Variants in GRM8 observed in about 807,000 individuals in gnomAD.
The protein encoded by GRM8 is glutamate metabotropic receptor 8.
Under a neutral mutation model 87.2 loss-of-function variants are expected in GRM8, and 47 were observed. The ratio of observed to expected loss-of-function variants is 0.54; its 90% confidence interval spans 0.43 to 0.69. GRM8 has a LOEUF of 0.69. GRM8 is among the 30% of genes least tolerant of loss of function. GRM8 has a pLI of 0.00. For missense variants in GRM8, 1,019 were observed against 1,139.2 expected, an observed-to-expected ratio of 0.89 and a Z score of 1.52; for synonymous variants, 396 against 404.5, an observed-to-expected ratio of 0.98 and a Z score of 0.25.
At chr7:126,955,690 A>G (rs1808603469) in intron 3 of GRM8, among the ~76,000 whole-genome samples, 1 of 152,186 alleles carries the variant, frequency 6.6e-6, no homozygotes, top group Non-Finnish European at 1.5e-5. Flanking sequence ...TCCTGTTAAC[A>G]AATCCCAATG....
chr7:126,640,185 C>G (rs1802232080), intron 7 of GRM8, among the ~76,000 whole-genome samples: 1 of 152,178 alleles, frequency 6.6e-6, no homozygotes, highest in Admixed American at 6.6e-5. Flanking sequence ...AATTTTATAA[C>G]ATATCAATAT....
chr7:126,867,150 A>G (rs1000084207), intron 6 of GRM8, among the ~76,000 whole-genome samples: 5 of 152,136 alleles, frequency 3.3e-5, no homozygotes, highest in African/African-American at 4.8e-5. Flanking sequence ...GTGTTTTCCT[A>G]TGGTTAACAG....
chr7:126,676,175 C>A (rs2151319097), intron 7 of GRM8, among the ~76,000 whole-genome samples: 1 of 152,180 alleles, frequency 6.6e-6, no homozygotes, highest in South Asian at 2.1e-4. Flanking sequence ...TATACTTAAC[C>A]AAGGGGGTGA....
intron 3 of GRM8, among the ~76,000 whole-genome samples, chr7:127,012,453 A>G (rs758562131): frequency 2.6e-5 from 4 of 152,128 alleles, no homozygotes; most frequent in Non-Finnish European, 5.9e-5. Flanking sequence ...CCTTTCCATA[A>G]AAGTATAAAT....
chr7:127,138,636 T>C (rs973215438), intron 2 of GRM8, among the ~76,000 whole-genome samples: 2 of 152,178 alleles, frequency 1.3e-5, no homozygotes, highest in African/African-American at 4.8e-5. Flanking sequence ...AAAGCATTTG[T>C]CTCCTGGAAT....
chr7:126,517,692 A>G (rs895141987), intron 9 of GRM8, among the ~76,000 whole-genome samples: 1 of 152,086 alleles, frequency 6.6e-6, no homozygotes, highest in African/African-American at 2.4e-5. Context: ...AATAATCAAA[A>G]CTTATTTCAA....
At chr7:126,871,229 G>A (rs566116699) in intron 6 of GRM8, among the ~76,000 whole-genome samples, 3 of 152,034 alleles carry the variant, frequency 2.0e-5, no homozygotes, top group African/African-American at 7.2e-5. Context: ...GAATAGAATC[G>A]TTCTCTATAA....
chr7:126,793,791 CTAAGT>C (rs1447520064), intron 6 of GRM8, among the ~76,000 whole-genome samples: 1 of 152,116 alleles, frequency 6.6e-6, no homozygotes, highest in Admixed American at 6.6e-5. Context: ...AAAATATATC[CTAAGT>C]TATTTCCATA....
At position 126,829,086 on chromosome 7, in the gene GRM8, T is replaced by C. The variant is rs929065734; in HGVS notation, c.1157-59021A>G. 2.6e-4 allele frequency among the ~76,000 whole-genome samples: 39 copies of C among 152,044 alleles called. 1 individual carries two copies. On this transcript the variant is annotated intron_variant, in intron 6 of 10. Transcript: ENST00000339582. ...GAGAGATAGTTTGTTATAATTTCTG[T>C]TCTTTTACATTTGCTGAGGAGAGCT... is the stretch of plus-strand genomic sequence containing the variant.
intron 7 of GRM8, among the ~76,000 whole-genome samples, chr7:126,653,949 C>G (rs994182584): frequency 6.6e-6 from 1 of 152,124 alleles, no homozygotes; most frequent in Non-Finnish European, 1.5e-5. Context: ...TCTTATAACA[C>G]AAACTATAAA....
intron 8 of GRM8, among the ~76,000 whole-genome samples, chr7:126,544,338 C>CAGT (rs1174625949): frequency 6.6e-6 from 1 of 152,056 alleles, no homozygotes; most frequent in East Asian, 1.9e-4. Context: ...TGGCTTTAGG[C>CAGT]AGTAGGCAGA....
At chr7:126,535,608 A>G (rs1299314780) in intron 8 of GRM8, among the ~76,000 whole-genome samples, 1 of 152,184 alleles carries the variant, frequency 6.6e-6, no homozygotes, top group African/African-American at 2.4e-5. Flanking sequence ...AGAAATTTCT[A>G]GGAAAAAGGT....
At position 127,106,727 on chromosome 7, in the gene GRM8, A is replaced by T. The variant is rs765885545; in HGVS notation, c.511-15T>A. On this transcript the variant is annotated splice_polypyrimidine_tract_variant and intron_variant, in intron 2 of 10. Coordinates refer to ENST00000339582, the MANE Select transcript of GRM8 (RefSeq NM_000845.3). ...ATTTGAGGTATCTGCAAAACAAATG[A>T]TGGGTCATTTCAACCCATGACGAAT... 5.2e-6 allele frequency: 8 copies of T among 1,552,302 alleles called. No homozygotes were observed. The highest frequency in any genetic ancestry group is 7.1e-6 in the Non-Finnish European group (8 of 1,123,848).
At chr7:126,445,212 T>C (rs1292044330) in intron 10 of GRM8, 1 of 152,088 alleles carries the variant, frequency 6.6e-6, no homozygotes, top group East Asian at 1.9e-4. Flanking sequence ...TCCAAAAGAC[T>C]GGAAGCCACT....
intron 8 of GRM8, among the ~76,000 whole-genome samples, chr7:126,556,417 TG>T (rs1660319285): frequency 7.0e-6 from 1 of 142,210 alleles, no homozygotes; most frequent in African/African-American, 2.6e-5. Context: ...GAGGCCGAGG[TG>T]GGTGGATCAC....
chr7:126,918,949 C>A (rs1804208957), intron 3 of GRM8, among the ~76,000 whole-genome samples: 2 of 152,150 alleles, frequency 1.3e-5, no homozygotes, highest in Non-Finnish European at 2.9e-5. Flanking sequence ...TCATAAATTT[C>A]TGTGATATAA....
intron 3 of GRM8, among the ~76,000 whole-genome samples, chr7:126,941,108 C>G (rs558518666): frequency 3.3e-5 from 5 of 152,160 alleles, no homozygotes; most frequent in African/African-American, 1.2e-4. Context: ...TAGTCATGAG[C>G]ATTTGTCATC....
At position 126,533,781 on chromosome 7, in the gene GRM8, C is replaced by G; in HGVS notation, c.1601G>C (p.Cys534Ser). The change falls in exon 9 of 11, where the codon TGC becomes TCC. Residue 534 changes from cysteine to serine, a missense_variant. Transcript: ENST00000339582. The stretch of plus-strand genomic sequence containing the variant: ...TTCACAGCGTTCACAGTGCCAGCAG[C>G]AAGGGACCCCTTTCACCGTTTTCTT... ...ERKKTVKGVP[C>S]CWHCERCEGY... 6.2e-7 allele frequency: 1 copy of G among 1,614,042 alleles called. No individual in the cohort carries two copies. The highest frequency in any genetic ancestry group is 8.5e-7 in the Non-Finnish European group (1 of 1,179,962).
intron 6 of GRM8, among the ~76,000 whole-genome samples, chr7:126,774,777 A>T (rs1267122591): frequency 6.6e-6 from 1 of 152,154 alleles, no homozygotes; most frequent in Non-Finnish European, 1.5e-5. Flanking sequence ...TTACAATGTA[A>T]GTTCCTAAGG....
Sources: allele counts gnomAD v4.1 joint callset (sites outside exome capture counted in the v4.1 genomes callset), GRCh38; gene constraint gnomAD v4.1.1; transcripts MANE v1.5; gene names NCBI Gene and HGNC (gene_info 2026-07-23, HGNC 2026-07-21).